The following TBC1D1 variants were observed in gnomAD, a reference collection of about 807,000 sequenced individuals.
TBC1D1 encodes TBC1 domain family member 1.
A neutral mutation model predicts 125.6 loss-of-function variants in TBC1D1; 89 were observed. The observed-to-expected ratio is 0.71, with a 90% CI of 0.60 to 0.85. TBC1D1 has a LOEUF of 0.85. TBC1D1 is among the 40% of genes least tolerant of loss of function. The pLI, the probability that TBC1D1 is intolerant of heterozygous loss-of-function variation, is 0.00. For synonymous variants in TBC1D1, 565 were observed against 564.1 expected (o/e 1.00, Z -0.02); for missense variants, 1,377 against 1,469.2 (o/e 0.94, Z 1.03).
At chr4:37,949,881 G>C (rs1431233575) in intron 2 of TBC1D1, among the ~76,000 whole-genome samples, 1 of 152,054 alleles carries the variant, frequency 6.6e-6, no homozygotes, top group Non-Finnish European at 1.5e-5. Context: ...TTGACCTGCT[G>C]ACTGTAGTTT....
intron 2 of TBC1D1, among the ~76,000 whole-genome samples, chr4:37,981,046 G>C (rs567799183): frequency 2.8e-4 from 42 of 152,066 alleles, no homozygotes; most frequent in African/African-American, 9.6e-4. Context: ...GGGTTCAAGT[G>C]CTCCTCCCAC....
intron 12 of TBC1D1, among the ~76,000 whole-genome samples, chr4:38,083,744 A>G (rs990748686): frequency 5.3e-5 from 8 of 152,170 alleles, no homozygotes; most frequent in African/African-American, 1.4e-4. Context: ...TCCAGGGCCC[A>G]TGCTCTTGAC....
intron 2 of TBC1D1, chr4:37,996,035 G>C: frequency 1.9e-6 from 1 of 516,834 alleles, no homozygotes; most frequent in Non-Finnish European, 3.9e-6. Flanking sequence ...CCCGGAGGGA[G>C]GTCAGGCAGC....
chr4:37,954,239 T>C (rs1412577692), intron 2 of TBC1D1, among the ~76,000 whole-genome samples: 1 of 152,210 alleles, frequency 6.6e-6, no homozygotes, highest in African/African-American at 2.4e-5. Flanking sequence ...GGCAGACGTC[T>C]TCTAATATCT....
rs1289342651 is a variant in TBC1D1, at chr4:38,138,870, C to T, written c.*1535C>T. ...TCTCCCCGGCCATTTCACGAGGAGA[C>T]CACAGTGCTGCCACCAGTGCCTAAA... On this transcript the variant is annotated 3_prime_UTR_variant, in exon 20 of 20. Transcript: ENST00000261439. 1 of 152,726 alleles carries T rather than the reference C, an allele frequency of 6.5e-6. No homozygotes were observed. The highest frequency in any genetic ancestry group is 2.1e-4 in the South Asian group (1 of 4,824). 9.5% of individuals were successfully genotyped at this position (152,726 alleles called of 1,614,324 possible). A position where few individuals can be genotyped will look rare whatever the true frequency, so the allele number is the denominator to read the frequency against.
chr4:38,064,859 G>A lies in TBC1D1; in HGVS notation c.2050+10521G>A, dbSNP rs1200253103. 2.0e-5 allele frequency among the ~76,000 whole-genome samples: 3 copies of A among 151,568 alleles called. No homozygotes were observed. In the East Asian group the frequency reaches 5.8e-4, roughly 29 times the overall value. On this transcript the variant is annotated intron_variant, in intron 12 of 19. Coordinates refer to ENST00000261439, the MANE Select transcript of TBC1D1 (RefSeq NM_015173.4). ...AGGATGGTCTTCATCTCCCGACCTC[G>A]CGATTCACCTGCCTCGGCCTCCCAA...
chr4:38,117,038 T>G (rs904737688), intron 16 of TBC1D1, among the ~76,000 whole-genome samples: 2 of 152,252 alleles, frequency 1.3e-5, no homozygotes, highest in African/African-American at 4.8e-5. Context: ...ATTCCCTTTA[T>G]TAACTTTAAA....
chr4:38,018,644 C>G (rs1028937620), intron 4 of TBC1D1, among the ~76,000 whole-genome samples: 1 of 152,068 alleles, frequency 6.6e-6, no homozygotes, highest in African/African-American at 2.4e-5. Flanking sequence ...GAAATTTGCT[C>G]TTAGCAACAG....
intron 13 of TBC1D1, among the ~76,000 whole-genome samples, chr4:38,093,747 G>A (rs1196064629): frequency 6.6e-6 from 1 of 152,016 alleles, no homozygotes; most frequent in Non-Finnish European, 1.5e-5. Context: ...TGGCCAGAAT[G>A]GTCTCGAACT....
At chr4:38,031,403 C>T (rs1230647024) in intron 7 of TBC1D1, among the ~76,000 whole-genome samples, 1 of 152,202 alleles carries the variant, frequency 6.6e-6, no homozygotes, top group East Asian at 1.9e-4. Context: ...TTGGATTTTG[C>T]ATGGTTTTAA....
At chr4:38,042,648 G>C (rs1748617851) in intron 8 of TBC1D1, among the ~76,000 whole-genome samples, 1 of 152,140 alleles carries the variant, frequency 6.6e-6, no homozygotes, top group South Asian at 2.1e-4. Context: ...TGCAGGTAGA[G>C]GACCTGAAAG....
chr4:38,136,317 G>A (rs926690135), intron 19 of TBC1D1, among the ~76,000 whole-genome samples: 1 of 152,302 alleles, frequency 6.6e-6, no homozygotes, highest in Middle Eastern at 3.4e-3. Flanking sequence ...CTCCTCTGTA[G>A]GGTGGAAGAG....
At chr4:37,959,438 G>T (rs1006741021) in intron 2 of TBC1D1, among the ~76,000 whole-genome samples, 10 of 152,260 alleles carry the variant, frequency 6.6e-5, no homozygotes, top group South Asian at 4.2e-4. Context: ...TCTTCACGTT[G>T]AATAGGCTGA....
chr4:38,095,920 C>A lies in TBC1D1; in HGVS notation c.2237-9C>A, dbSNP rs765059898. ...CTTTACTAATGCGCTCTGGAATGGT[C>A]TATTCCAGCCTCTGAAAATGATTTG... On this transcript the variant is annotated splice_polypyrimidine_tract_variant and intron_variant, in intron 13 of 19. Transcript: ENST00000261439. 1.2e-5 allele frequency: 19 copies of A among 1,609,668 alleles called. No homozygotes were observed. The highest frequency in any genetic ancestry group is 1.5e-5 in the Non-Finnish European group (18 of 1,178,292).
chr4:37,991,593 C>T (rs78567704), intron 2 of TBC1D1, among the ~76,000 whole-genome samples: 4,331 of 151,930 alleles, frequency 0.029, 76 homozygotes, highest in Non-Finnish European at 0.045. Context: ...AGAATTCCTG[C>T]AAGTCCCTGG....
At chr4:38,074,795 T>A (rs1284910628) in intron 12 of TBC1D1, among the ~76,000 whole-genome samples, 1 of 151,278 alleles carries the variant, frequency 6.6e-6, no homozygotes, top group East Asian at 2.0e-4. Context: ...AAATTCTTGC[T>A]CTGTCACCCA....
In TBC1D1 at chr4:38,044,428, G is replaced by C. The variant is rs1238648392; in HGVS notation, c.1480G>C (p.Asp494His). ...ACCCAGTGCCACTCGATTTAGGCTA[G>C]ATATGCTGAAAAACAAAGCAAAGAG... The change falls in exon 9 of 20, where the codon GAT (aspartate) becomes CAT (histidine). Residue 494 changes from aspartate (D) to histidine (H), a missense_variant. By Grantham distance (81) the Asp-to-His change is moderately conservative (BLOSUM62 -1). Transcript: ENST00000261439. 4 of 1,613,806 alleles carry C rather than the reference G, an allele frequency of 2.5e-6. 1 individual carries two copies. In the South Asian group the frequency reaches 4.4e-5, roughly 18 times the overall value.
At chr4:37,998,874 C>T (rs1578209293) in intron 2 of TBC1D1, among the ~76,000 whole-genome samples, 2 of 152,142 alleles carry the variant, frequency 1.3e-5, no homozygotes, top group Non-Finnish European at 1.5e-5. Flanking sequence ...CAGAAATTTA[C>T]GTTCCTCCAT....
intron 6 of TBC1D1, among the ~76,000 whole-genome samples, chr4:38,026,988 A>G (rs1223146453): frequency 2.0e-5 from 3 of 152,172 alleles, no homozygotes; most frequent in African/African-American, 7.2e-5. Flanking sequence ...TTTCCAACAG[A>G]ATAGGAGTTG....
Sources: gnomAD v4.1 joint callset for allele counts (sites outside exome capture counted in the v4.1 genomes callset) on GRCh38, gnomAD v4.1.1 for gene constraint, MANE v1.5 for transcripts, NCBI Gene and HGNC (gene_info 2026-07-23, HGNC 2026-07-21) for gene names.